COL28A1: variants seen among roughly 807,000 people sequenced by gnomAD.
The protein encoded by COL28A1 is collagen type XXVIII alpha 1 chain.
Under a neutral mutation model 150.2 loss-of-function variants are expected in COL28A1, and 161 were observed. That is an observed-to-expected ratio of 1.07 (90% CI 0.94 to 1.22). COL28A1 has a LOEUF of 1.22. Ranked by LOEUF, COL28A1 falls within the 50% of genes most tolerant of loss-of-function variation. The pLI is 0.00. For synonymous variants in COL28A1, 552 were observed against 469.7 expected, an observed-to-expected ratio of 1.18 and a Z score of -2.26; for missense variants, 1,617 against 1,388.3, an observed-to-expected ratio of 1.16 and a Z score of -2.62.
chr7:7,435,963 TTTC>T (rs1288546012), intron 23 of COL28A1, among the ~76,000 whole-genome samples: 12 of 152,194 alleles, frequency 7.9e-5, no homozygotes, highest in Non-Finnish European at 1.5e-4. Flanking sequence ...AGAAACCTGG[TTTC>T]TTCTTATTTG....
chr7:7,484,330 T>C (rs1779509784), intron 13 of COL28A1, among the ~76,000 whole-genome samples: 1 of 152,142 alleles, frequency 6.6e-6, no homozygotes, highest in South Asian at 2.1e-4. Flanking sequence ...AAACTATTCT[T>C]ACAAAGCAAA....
At chr7:7,495,509 T>C (rs1052404232) in intron 11 of COL28A1, among the ~76,000 whole-genome samples, 4 of 152,134 alleles carry the variant, frequency 2.6e-5, no homozygotes, top group Non-Finnish European at 2.9e-5. Context: ...TAAATTGTCA[T>C]CTTTCACTCC....
At chr7:7,347,249 C>A in the COL28A1 span, among the ~76,000 whole-genome samples, 1 of 152,054 alleles carries the variant, frequency 6.6e-6, no homozygotes, top group South Asian at 2.1e-4. Flanking sequence ...ATACCTGTTA[C>A]AGCCTCCTTT....
Position 7,529,657 on chromosome 7 carries a change from C to T in COL28A1, c.681+1691G>A, listed in dbSNP as rs1245747180. Reference sequence around the variant, plus strand: ...TGTATCTGGTGGGAATATGAACAACCTGAGCCTACACCTGTGGCCAAACAA... The same window carrying T: ...TGTATCTGGTGGGAATATGAACAACTTGAGCCTACACCTGTGGCCAAACAA... On this transcript the variant is annotated intron_variant, in intron 3 of 34. Coordinates refer to ENST00000399429, the MANE Select transcript of COL28A1 (RefSeq NM_001037763.3). Among the ~76,000 whole-genome samples the T allele has an allele frequency of 2.6e-5, 4 of 152,198 alleles. No homozygotes were observed. The East Asian group carries it at 7.7e-4, about 29-fold the overall frequency.
intron 14 of COL28A1, among the ~76,000 whole-genome samples, chr7:7,475,845 T>C (rs532919861): frequency 6.6e-6 from 1 of 152,330 alleles, no homozygotes; most frequent in Admixed American, 6.5e-5. Flanking sequence ...GATACTGTGA[T>C]TAGTCAAAGG....
At chr7:7,393,721 T>G (rs370624390) in intron 27 of COL28A1, among the ~76,000 whole-genome samples, 1 of 152,170 alleles carries the variant, frequency 6.6e-6, no homozygotes, top group Non-Finnish European at 1.5e-5. Flanking sequence ...TTCCACCCAA[T>G]TGGGACTTCC....
chr7:7,518,020 C>T (rs541619302), intron 6 of COL28A1, among the ~76,000 whole-genome samples, 183 bp from the exon 7 acceptor site: 3 of 150,826 alleles, frequency 2.0e-5, no homozygotes, highest in Admixed American at 6.6e-5. Context: ...CTCAGATAAA[C>T]TTTGCCCTTT....
intron 13 of COL28A1, among the ~76,000 whole-genome samples, chr7:7,486,722 A>G (rs1394135903): frequency 6.6e-6 from 1 of 152,172 alleles, no homozygotes; most frequent in Non-Finnish European, 1.5e-5. Flanking sequence ...TCTTTAGCCT[A>G]TTAATATGGT....
intron 15 of COL28A1, among the ~76,000 whole-genome samples, chr7:7,463,830 G>T (rs185950611): frequency 6.6e-6 from 1 of 152,216 alleles, no homozygotes; most frequent in African/African-American, 2.4e-5. Flanking sequence ...AACATTGAAT[G>T]TAAATGGCCT....
At chr7:7,374,501 A>C (rs1272955390) in intron 31 of COL28A1, among the ~76,000 whole-genome samples, 2 of 152,122 alleles carry the variant, frequency 1.3e-5, no homozygotes. Flanking sequence ...CATGCTATGA[A>C]AGCTTTTGAG....
chr7:7,391,439 A>G (rs1782534504), intron 27 of COL28A1, among the ~76,000 whole-genome samples: 1 of 152,190 alleles, frequency 6.6e-6, no homozygotes, highest in Admixed American at 6.5e-5. Context: ...AGTGCTGAGA[A>G]GAATGCATAT....
chr7:7,361,285 A>G (rs1780638931), intron 33 of COL28A1, among the ~76,000 whole-genome samples: 1 of 94,118 alleles, frequency 1.1e-5, no homozygotes, highest in African/African-American at 3.8e-5. Flanking sequence ...CGAAACAAGA[A>G]AGGCATTTTA....
At chr7:7,393,661 G>T (rs1217277632) in intron 27 of COL28A1, among the ~76,000 whole-genome samples, 1 of 152,204 alleles carries the variant, frequency 6.6e-6, no homozygotes, top group Non-Finnish European at 1.5e-5. Flanking sequence ...CAGAGAGGAC[G>T]AATCTAGAGA....
Position 7,531,776 on chromosome 7 carries a change from G to T in COL28A1, c.253C>A (p.Arg85Ser). The change falls in exon 3 of 35, where the codon CGC (arginine) becomes AGC (serine). Residue 85 changes from arginine to serine, a missense_variant. Arg to Ser is a moderately radical substitution (Grantham distance 110, BLOSUM62 -1). Transcript: ENST00000399429. ...AGTTTGATGTCATATTCCAAGGAGC[G>T]ACCAGGAGTCAATTGGAAAATCTTG... ...SDKIFQLTPG[R>S]SLEYDIKLAA... 6.2e-7 allele frequency: 1 copy of T among 1,605,496 alleles called. No individual in the cohort carries two copies. The highest frequency in any genetic ancestry group is 1.1e-5 in the South Asian group (1 of 90,854).
intron 25 of COL28A1, among the ~76,000 whole-genome samples, chr7:7,429,847 T>C (rs1232708776): frequency 6.6e-6 from 1 of 152,136 alleles, no homozygotes; most frequent in Non-Finnish European, 1.5e-5. Context: ...AAGCAAACCA[T>C]GGACTGCCGC....
Position 7,521,923 on chromosome 7 carries a change from T to G in COL28A1, c.741A>C (p.Pro247=). The G allele has an allele frequency of 1.7e-6, 2 of 1,149,786 alleles. No individual in the cohort carries two copies. The highest frequency in any genetic ancestry group is 2.6e-6 in the Non-Finnish European group (2 of 755,304). The allele number at this position is 1,149,786 out of a possible 1,614,324, so 71.2% of individuals were successfully genotyped here. A position where few individuals can be genotyped will look rare whatever the true frequency, so the allele number is the denominator to read the frequency against. ...TACTCACAGGAGGCCCTGGATCACC[T>G]GGATCTCCCTTCTCACATTCACAAA... ...RKICECEKGD[P]GDPGPPGTHG... is the part of the protein sequence containing the mutation. The change falls in exon 5 of 35, where the codon CCA becomes CCC. Residue 247 remains proline, a synonymous_variant. Transcript: ENST00000399429.
At chr7:7,448,614 A>G (rs1414342415) in intron 18 of COL28A1, among the ~76,000 whole-genome samples, 1 of 151,690 alleles carries the variant, frequency 6.6e-6, no homozygotes, top group Non-Finnish European at 1.5e-5. Context: ...ATGTTCATTT[A>G]TAACATTTTA....
At position 7,373,260 on chromosome 7, in the gene COL28A1, T is replaced by A. The variant is rs773051156; in HGVS notation, c.2646A>T (p.Gln882His). Residue 882 changes from glutamine (Q) to histidine (H), a missense_variant, in exon 32 of 35, where the codon CAA (glutamine) becomes CAT (histidine). Transcript: ENST00000399429. This position sits in a 1 kb window ranked among gnomAD's most constrained non-coding sequence, Gnocchi z 4.1. ...CATCTTCAAACATGTCGTTGGCTGC[T>A]TGCAGAGCAGTGGCTGTGTATGTGC... is the stretch of plus-strand genomic sequence containing the variant. ...GEGTYTATAL[Q>H]AANDMFEDAR... 6.2e-7 allele frequency: 1 copy of A among 1,614,220 alleles called. No homozygotes were observed. The highest frequency in any genetic ancestry group is 8.5e-7 in the Non-Finnish European group (1 of 1,180,044).
At chr7:7,510,147 CTATT>C (rs1227362279) in intron 9 of COL28A1, among the ~76,000 whole-genome samples, 1 of 152,006 alleles carries the variant, frequency 6.6e-6, no homozygotes, top group African/African-American at 2.4e-5. Context: ...ATAATGAAAA[CTATT>C]TATTTTTACT....
Sources: allele counts gnomAD v4.1 joint callset (sites outside exome capture counted in the v4.1 genomes callset), GRCh38; gene constraint gnomAD v4.1.1; non-coding constraint Gnocchi (gnomAD v3.1); transcripts MANE v1.5; gene names NCBI Gene and HGNC (gene_info 2026-07-23, HGNC 2026-07-21).